RFC1: variants seen among roughly 807,000 people sequenced by gnomAD.
RFC1 encodes the protein replication factor C subunit 1.
A neutral mutation model predicts 137.4 loss-of-function variants in RFC1; 37 were observed. The ratio of observed to expected loss-of-function variants is 0.27; its 90% CI spans 0.21 to 0.35. RFC1 has a LOEUF of 0.35. Among genes scored for constraint, RFC1 ranks in the 10% least tolerant of loss-of-function variants. RFC1 has a pLI of 1.00. For synonymous variants in RFC1, 429 were observed against 455.7 expected (o/e 0.94, Z 0.75); for missense variants, 1,205 against 1,358.5 (o/e 0.89, Z 1.78).
chr4:39,364,611 C>T (rs970848939), intron 1 of RFC1, among the ~76,000 whole-genome samples: 1 of 152,128 alleles, frequency 6.6e-6, no homozygotes, highest in Admixed American at 6.5e-5. Flanking sequence ...AGGAATCTAC[C>T]ATGCCTCTTA....
intron 4 of RFC1, among the ~76,000 whole-genome samples, chr4:39,338,548 T>C (rs1039882376): frequency 1.1e-4 from 17 of 152,210 alleles, no homozygotes; most frequent in African/African-American, 3.9e-4. Flanking sequence ...TCCAAATTAT[T>C]AGCATTTCAA....
At chr4:39,291,908 CTG>C in intron 22 of RFC1, 56 bp from the exon 23 acceptor site, 1 of 1,223,312 alleles carries the variant, frequency 8.2e-7, no homozygotes, top group Non-Finnish European at 1.2e-6. Context: ...TCAAGTCATA[CTG>C]TGCATAACAG....
At chr4:39,351,278 AAAAAAAAC>A in intron 2 of RFC1, 62 bp downstream of exon 2, 323 of 494,328 alleles carry the variant, frequency 6.5e-4, no homozygotes, top group Non-Finnish European at 8.7e-4. Context: ...AAAAAAAAAA[AAAAAAAAC>A]TTATAAGAAC....
intron 7 of RFC1, 147 bp downstream of exon 7, chr4:39,323,193 A>G: frequency 2.1e-6 from 1 of 479,680 alleles, no homozygotes; most frequent in South Asian, 6.8e-5. Context: ...AAGTTTCTCA[A>G]TGAGCTTCCC....
At chr4:39,304,738 C>A in intron 15 of RFC1, 76 bp downstream of exon 15, 1 of 894,734 alleles carries the variant, frequency 1.1e-6, no homozygotes, top group Non-Finnish European at 1.9e-6. Flanking sequence ...AACCTGTGTT[C>A]AATACTGGTT....
chr4:39,303,708 C>A (rs911491135), intron 15 of RFC1, among the ~76,000 whole-genome samples: 1 of 152,248 alleles, frequency 6.6e-6, no homozygotes, highest in African/African-American at 2.4e-5. Context: ...TCCGCCTCAG[C>A]CTCCCAAAGT....
intron 6 of RFC1, among the ~76,000 whole-genome samples, chr4:39,326,071 G>C (rs543976213): frequency 6.6e-6 from 1 of 152,144 alleles, no homozygotes; most frequent in Admixed American, 6.5e-5. Flanking sequence ...GTAGTGGTGG[G>C]CGCCTGTAGT....
rs59993299 is a variant in RFC1 at position 39,355,096 on chromosome 4, A to ATACACACACAC, written c.4-3621_4-3620insGTGTGTGTGTA. 5.2e-3 allele frequency among the ~76,000 whole-genome samples: 312 copies of ATACACACACAC among 60,112 alleles called. 2 individuals are homozygous for ATACACACACAC. The highest frequency in any genetic ancestry group is 0.024 in the Middle Eastern group (3 of 126). 39.4% of individuals were successfully genotyped at this position (60,112 alleles called of 152,430 possible). The stretch of plus-strand genomic sequence containing the variant: ...CACTCATCTCAAAAAAAAAAAAAAA[A>ATACACACACAC]ATACACACACACACACACACACACA... On this transcript the variant is annotated intron_variant, in intron 1 of 24. Coordinates refer to ENST00000349703, the MANE Select transcript of RFC1 (RefSeq NM_002913.5).
chr4:39,342,492 A>T, intron 3 of RFC1, 25 bp from the exon 4 acceptor site: 5 of 1,604,932 alleles, frequency 3.1e-6, no homozygotes, highest in Non-Finnish European at 4.3e-6. Context: ...AAAATAAAAC[A>T]AAACTTTGAA....
chr4:39,355,534 T>C (rs994341841), intron 1 of RFC1, among the ~76,000 whole-genome samples: 3 of 149,966 alleles, frequency 2.0e-5, no homozygotes, highest in African/African-American at 7.3e-5. Flanking sequence ...ATAGGCAAAG[T>C]ATAAAAGAAA....
chr4:39,328,728 C>A (rs946432008), intron 4 of RFC1, among the ~76,000 whole-genome samples: 4 of 152,088 alleles, frequency 2.6e-5, no homozygotes, highest in African/African-American at 9.7e-5. Flanking sequence ...TATTATAGAA[C>A]GGGAATCCAC....
At chr4:39,339,092 T>A (rs1015154984) in intron 4 of RFC1, among the ~76,000 whole-genome samples, 4 of 152,072 alleles carry the variant, frequency 2.6e-5, no homozygotes, top group Non-Finnish European at 4.4e-5. Flanking sequence ...CTTTTTTTTT[T>A]AAAGCCAAAT....
chr4:39,319,728 A>G (rs1739419915), intron 9 of RFC1, among the ~76,000 whole-genome samples: 2 of 152,140 alleles, frequency 1.3e-5, no homozygotes, highest in Non-Finnish European at 1.5e-5. Flanking sequence ...AGGTGCCTGA[A>G]ACCACAGACA....
chr4:39,321,376 T>G lies in RFC1; in HGVS notation c.721-2A>C. The stretch of plus-strand genomic sequence containing the variant: ...TCCCGCTTCTGTGTCCTTTCGAGCC[T>G]AAACAAATTTTAAAAGTGTCAAATG... On this transcript the variant is annotated splice_acceptor_variant, in intron 7 of 24. Coordinates refer to ENST00000349703, the MANE Select transcript of RFC1 (RefSeq NM_002913.5). LOFTEE classifies it high-confidence loss of function. The G allele has an allele frequency of 6.2e-7, 1 of 1,612,204 alleles. No individual in the cohort carries two copies. Among genetic ancestry groups the G allele is most frequent in the Non-Finnish European group, 8.5e-7 (1 of 1,179,256 alleles).
At position 39,305,807 on chromosome 4, in the gene RFC1, A is replaced by G. The variant is rs552705434; in HGVS notation, c.1995+785T>C. Among the ~76,000 whole-genome samples the G allele has an allele frequency of 2.0e-5, 3 of 152,288 alleles. No individual in the cohort carries two copies. In the East Asian group the frequency reaches 5.8e-4, roughly 29 times the overall value. On this transcript the variant is annotated intron_variant, in intron 14 of 24. Transcript: ENST00000349703. ...AAAAAATATAATGATAATAATAAAG[A>G]GAGAAAAAGAGTTGTGTTCACAACT...
In RFC1 at chr4:39,336,465, A is replaced by T. The variant is rs547448474; in HGVS notation, c.331+5880T>A. Among the ~76,000 whole-genome samples, 11 of 152,380 alleles carry T rather than the reference A, an allele frequency of 7.2e-5. No homozygotes were observed. In the East Asian group the frequency reaches 1.9e-3, roughly 27 times the overall value. On this transcript the variant is annotated intron_variant, in intron 4 of 24. Transcript: ENST00000349703. Reference sequence around the variant, plus strand: ...TAAACCAAGGCCTAAGCCTTCATTTATTCTGTGAGTTATCAGACTAGTAGG... The same window carrying T: ...TAAACCAAGGCCTAAGCCTTCATTTTTTCTGTGAGTTATCAGACTAGTAGG...
rs1196801558 is a variant in RFC1, at chr4:39,366,261, C to CGCTG, written c.-24_-21dup. ...CACCATCGCAGCCCCAGGATGAAGG[C>CGCTG]GCTGGCTGGCTGGCGGGTGGGCCGG... On this transcript the variant is annotated 5_prime_UTR_variant, in exon 1 of 25. Coordinates refer to ENST00000349703, the MANE Select transcript of RFC1 (RefSeq NM_002913.5). 14 of 1,536,820 alleles carry CGCTG rather than the reference C, an allele frequency of 9.1e-6. No homozygotes were observed. Among genetic ancestry groups the CGCTG allele is most frequent in the Admixed American group, 2.1e-5 (1 of 48,612 alleles).
intron 2 of RFC1, among the ~76,000 whole-genome samples, chr4:39,345,891 C>T (rs1488814523): frequency 6.6e-6 from 1 of 152,118 alleles, no homozygotes; most frequent in African/African-American, 2.4e-5. Flanking sequence ...AAACATCCTA[C>T]AATGCACAGG....
intron 4 of RFC1, among the ~76,000 whole-genome samples, chr4:39,342,141 A>C (rs1740629676): frequency 6.6e-6 from 1 of 152,236 alleles, no homozygotes; most frequent in African/African-American, 2.4e-5. Flanking sequence ...CTTAAAAAAA[A>C]TTCCAAGAGC....
Sources: allele counts gnomAD v4.1 joint callset (sites outside exome capture counted in the v4.1 genomes callset), GRCh38; gene constraint gnomAD v4.1.1; transcripts MANE v1.5; gene names NCBI Gene and HGNC (gene_info 2026-07-23, HGNC 2026-07-21).